The following TECPR1 variants were observed in gnomAD, a reference collection of about 807,000 sequenced individuals.
TECPR1 encodes the protein tectonin beta-propeller repeat containing 1, also known as tectonin beta-propeller repeat-containing protein 1.
In TECPR1, 122 loss-of-function variants were observed where a neutral mutation model predicts 162.4. The observed-to-expected ratio is 0.75, with a 90% CI of 0.65 to 0.87. The LOEUF (loss-of-function observed/expected upper bound fraction) is 0.87. Among genes scored for constraint, TECPR1 ranks in the 40% least tolerant of loss-of-function variants. TECPR1 has a pLI of 0.00. For synonymous variants in TECPR1, 642 were observed against 670.6 expected (o/e 0.96, Z 0.66); for missense variants, 1,432 against 1,618.2 (o/e 0.88, Z 1.97).
chr7:98,227,008 T>TA (rs954205947), intron 17 of TECPR1, among the ~76,000 whole-genome samples: 133 of 150,358 alleles, frequency 8.8e-4, no homozygotes, highest in African/African-American at 1.5e-3. Flanking sequence ...CTCAAAAAGT[T>TA]AAAAAAAAAA....
chr7:98,243,441 A>G, intron 6 of TECPR1, 26 bp downstream of exon 6: 1 of 1,610,906 alleles, frequency 6.2e-7, no homozygotes, highest in Non-Finnish European at 8.5e-7. Context: ...GTGGGGAGCC[A>G]GGGCAGGGAG....
chr7:98,218,381 C>G lies in TECPR1; in HGVS notation c.3158-339G>C, dbSNP rs185767465. Among the ~76,000 whole-genome samples the G allele has an allele frequency of 4.4e-3, 675 of 152,226 alleles. 2 individuals carry two copies. Among genetic ancestry groups the G allele is most frequent in the Middle Eastern group, 0.014 (4 of 294 alleles). ...GGAAGTCCTAGCCAGAGCAATCAGG[C>G]AAGAGAAAGAAAGAAAGGGCATCCA... is the stretch of plus-strand genomic sequence containing the variant. On this transcript the variant is annotated intron_variant, in intron 23 of 25. Transcript: ENST00000447648.
At chr7:98,236,529 A>G (rs1169722778) in intron 10 of TECPR1, among the ~76,000 whole-genome samples, 1 of 151,752 alleles carries the variant, frequency 6.6e-6, no homozygotes, top group Non-Finnish European at 1.5e-5. Flanking sequence ...TGCCGCCACC[A>G]GCAGCCCAGA....
intron 5 of TECPR1, 33 bp from the exon 6 acceptor site, chr7:98,243,625 A>T (rs774773097): frequency 6.9e-6 from 11 of 1,600,962 alleles, no homozygotes; most frequent in Non-Finnish European, 9.4e-6. Context: ...GGTAGCAGTC[A>T]GCGCCCAGTG....
At position 98,236,756 on chromosome 7, in the gene TECPR1, AC is replaced by A; in HGVS notation, c.1181+19del. The A allele has an allele frequency of 1.3e-6, 2 of 1,585,302 alleles. No individual in the cohort carries two copies. Among genetic ancestry groups the A allele is most frequent in the Non-Finnish European group, 1.7e-6 (2 of 1,170,366 alleles). On this transcript the variant is annotated intron_variant, in intron 10 of 25. Coordinates refer to ENST00000447648, the MANE Select transcript of TECPR1 (RefSeq NM_015395.3). ...GCCCATCCCAGCCTGACTCCTGCGC[AC>A]CCTGCCACCCCCAGTCACCTGAGGA...
intron 1 of TECPR1, 180 bp downstream of exon 1, chr7:98,251,946 G>C (rs1356087106): frequency 1.3e-5 from 2 of 152,544 alleles, no homozygotes; most frequent in East Asian, 3.9e-4. Flanking sequence ...CAGGGCAGGG[G>C]ACGGGGGCGG....
In TECPR1 at chr7:98,217,691, C is replaced by G; in HGVS notation, c.3384+1G>C. The stretch of plus-strand genomic sequence containing the variant: ...AGCCCAAGGCCGCGGGCCCCGCTCA[C>G]CCCGATGCCGTAGTCCCAGCCGTGG... On this transcript the variant is annotated splice_donor_variant, in intron 25 of 25. Transcript: ENST00000447648. LOFTEE classifies it high-confidence loss of function. 6.5e-7 allele frequency: 1 copy of G among 1,541,810 alleles called. No individual in the cohort carries two copies. Among genetic ancestry groups the G allele is most frequent in the Non-Finnish European group, 8.8e-7 (1 of 1,142,450 alleles).
intron 11 of TECPR1, 139 bp downstream of exon 11, chr7:98,233,282 C>T: frequency 8.3e-7 from 1 of 1,201,248 alleles, no homozygotes; most frequent in Non-Finnish European, 1.1e-6. Context: ...ATGCCTGGCT[C>T]AGAGCTGCTG....
intron 2 of TECPR1, among the ~76,000 whole-genome samples, chr7:98,246,779 C>T (rs1025001981): frequency 1.3e-5 from 2 of 151,614 alleles, no homozygotes; most frequent in Non-Finnish European, 2.9e-5. Context: ...GACATGATTT[C>T]ACCATGTTGG....
At chr7:98,225,654 T>C (rs1213962955) in intron 17 of TECPR1, among the ~76,000 whole-genome samples, 1 of 152,094 alleles carries the variant, frequency 6.6e-6, no homozygotes, top group Non-Finnish European at 1.5e-5. Flanking sequence ...CTCGTTCTCT[T>C]TTCTTTCTTT....
chr7:98,230,202 A>C (rs1483220535), intron 15 of TECPR1, among the ~76,000 whole-genome samples: 5 of 150,632 alleles, frequency 3.3e-5, no homozygotes, highest in African/African-American at 9.8e-5. Flanking sequence ...AGACGAGTCT[A>C]GCTATGTTGC....
intron 9 of TECPR1, among the ~76,000 whole-genome samples, chr7:98,237,919 C>T (rs976352601): frequency 6.6e-6 from 1 of 151,948 alleles, no homozygotes; most frequent in Non-Finnish European, 1.5e-5. Flanking sequence ...ACTACAGGTG[C>T]ACACCACCAC....
At chr7:98,235,849 A>AAAAAAAAAAAAAGAAAAAAAAACAAC in intron 10 of TECPR1, among the ~76,000 whole-genome samples, 1 of 110,258 alleles carries the variant, frequency 9.1e-6, no homozygotes, top group Non-Finnish European at 2.1e-5. Flanking sequence ...AAAAAAAAAA[A>AAAAAAAAAAAAAGAAAAAAAAACAAC]AACACCATCT....
At position 98,244,900 on chromosome 7, in the gene TECPR1, T is replaced by A. The variant is rs201469725; in HGVS notation, c.393A>T (p.Glu131Asp). ...DWYVDENFGG[E>D]PTEKGGWTYA... ...GTTCACCTACCCCTTTCTCAGTGGGTTCACCTCCAAAATTCTCATCCACGT... is the reference window on the plus strand; with the variant it reads ...GTTCACCTACCCCTTTCTCAGTGGGATCACCTCCAAAATTCTCATCCACGT... The change falls in exon 4 of 26, where the codon GAA (glutamate) becomes GAT (aspartate). Residue 131 changes from glutamate (E) to aspartate (D), a missense_variant. By Grantham distance (45) the Glu-to-Asp change is conservative. Coordinates refer to ENST00000447648, the MANE Select transcript of TECPR1 (RefSeq NM_015395.3). The A allele has an allele frequency of 5.5e-4, 880 of 1,612,898 alleles. 1 individual carries two copies. The highest frequency in any genetic ancestry group is 7.3e-4 in the Non-Finnish European group (860 of 1,179,812).
chr7:98,229,318 C>T (rs909086038), intron 15 of TECPR1, among the ~76,000 whole-genome samples, 152 bp from the exon 16 acceptor site: 5 of 152,180 alleles, frequency 3.3e-5, no homozygotes, highest in South Asian at 4.1e-4. Flanking sequence ...CTGACCTCCG[C>T]GTTCATATTA....
Position 98,236,777 on chromosome 7 carries a change from T to A in TECPR1, c.1180A>T (p.Ser394Cys). ...GCGCACCCTGCCACCCCCAGTCACCTGAGGAGACTAGACGAGCTGCCAGAG... is the reference window on the plus strand; with the variant it reads ...GCGCACCCTGCCACCCCCAGTCACCAGAGGAGACTAGACGAGCTGCCAGAG... Reference protein sequence around the residue: ...SHSGSSSSLLSAGCFFGDEVR... With the variant: ...SHSGSSSSLLCAGCFFGDEVR... The change falls in exon 10 of 26, where the codon AGT becomes TGT. Residue 394 changes from serine to cysteine, a missense_variant and splice_region_variant. Ser to Cys is a moderately radical substitution (Grantham distance 112). Transcript: ENST00000447648. The A allele has an allele frequency of 6.3e-7, 1 of 1,594,872 alleles. No individual in the cohort carries two copies. Among genetic ancestry groups the A allele is most frequent in the Non-Finnish European group, 8.5e-7 (1 of 1,174,116 alleles).
In TECPR1 at chr7:98,217,319, A is replaced by G; in HGVS notation, c.*71T>C. The G allele has an allele frequency of 9.5e-7, 1 of 1,050,052 alleles. No individual in the cohort carries two copies. Among genetic ancestry groups the G allele is most frequent in the Non-Finnish European group, 1.4e-6 (1 of 733,884 alleles). 65.0% of individuals were successfully genotyped at this position (1,050,052 alleles called of 1,614,324 possible). A position where few individuals can be genotyped will look rare whatever the true frequency, so the allele number is the denominator to read the frequency against. On this transcript the variant is annotated 3_prime_UTR_variant, in exon 26 of 26. Coordinates refer to ENST00000447648, the MANE Select transcript of TECPR1 (RefSeq NM_015395.3). ...ACATTGCTCCCACGGTGCACACTCC[A>G]GCACAAGAATGGCTCAGCCTTGATC...
intron 23 of TECPR1, among the ~76,000 whole-genome samples, chr7:98,219,993 C>T (rs1798103949): frequency 6.6e-6 from 1 of 151,998 alleles, no homozygotes; most frequent in African/African-American, 2.4e-5. Context: ...ATCCAAACCA[C>T]ACTGAGATAT....
At chr7:98,240,772 G>C in intron 8 of TECPR1, 79 bp downstream of exon 8, 1 of 1,208,804 alleles carries the variant, frequency 8.3e-7, no homozygotes. Flanking sequence ...CCAGGCTGGA[G>C]TCCAGTGGTG....
Sources: allele counts gnomAD v4.1 joint callset (sites outside exome capture counted in the v4.1 genomes callset), GRCh38; gene constraint gnomAD v4.1.1; transcripts MANE v1.5; gene names NCBI Gene and HGNC (gene_info 2026-07-23, HGNC 2026-07-21).